JPH3: variants seen among roughly 807,000 people sequenced by gnomAD.
The protein encoded by JPH3 is junctophilin-3.
In JPH3, 11 loss-of-function variants were observed where a neutral mutation model predicts 59.6. The observed-to-expected ratio is 0.18, with a 90% CI of 0.12 to 0.31. The LOEUF (loss-of-function observed/expected upper bound fraction) is 0.31, where lower values mean the gene tolerates loss of function less well. JPH3 is among the 10% of genes least tolerant of loss of function. The probability of loss-of-function intolerance (pLI) is 1.00; values close to 1 mark genes in which losing one functional copy is unlikely to be tolerated. For synonymous variants in JPH3, 673 were observed against 483.6 expected (o/e 1.39, Z -5.14); for missense variants, 1,202 against 1,105.7 (o/e 1.09, Z -1.24).
chr16:87,605,508 A>T (rs951954980), intron 1 of JPH3, among the ~76,000 whole-genome samples: 1 of 152,164 alleles, frequency 6.6e-6, no homozygotes, highest in Non-Finnish European at 1.5e-5. Flanking sequence ...AGGAGCGGCG[A>T]TTATGTTGTG....
intron 2 of JPH3, among the ~76,000 whole-genome samples, chr16:87,660,602 C>A (rs546375542): frequency 6.6e-6 from 1 of 152,190 alleles, no homozygotes; most frequent in African/African-American, 2.4e-5. Context: ...GCAGCCCTCC[C>A]AGTCTCCCCG....
intron 1 of JPH3, among the ~76,000 whole-genome samples, chr16:87,638,434 A>G (rs138838495): frequency 7.5e-4 from 114 of 152,260 alleles, no homozygotes; most frequent in Non-Finnish European, 1.2e-3. Context: ...GCCAGAGGCT[A>G]CTGGGGAGAC....
chr16:87,647,250 A>AGGAGCC (rs2032182989), intron 2 of JPH3, among the ~76,000 whole-genome samples: 1 of 141,960 alleles, frequency 7.0e-6, no homozygotes, highest in African/African-American at 2.5e-5. Context: ...ACCCATGCAA[A>AGGAGCC]GGAGCCGGGG....
chr16:87,665,760 C>G (rs1390458077), intron 2 of JPH3, among the ~76,000 whole-genome samples: 2 of 152,218 alleles, frequency 1.3e-5, no homozygotes, highest in East Asian at 3.9e-4. Flanking sequence ...TCCGTCAGAC[C>G]CAGCCTCCTT....
At chr16:87,693,063 C>T (rs965889771) in intron 4 of JPH3, among the ~76,000 whole-genome samples, 1 of 152,268 alleles carries the variant, frequency 6.6e-6, no homozygotes, top group Non-Finnish European at 1.5e-5. Context: ...ACCAAGTTGT[C>T]ATGGGGCCCA....
intron 4 of JPH3, among the ~76,000 whole-genome samples, chr16:87,692,221 C>A (rs1442518860): frequency 6.8e-6 from 1 of 147,574 alleles, no homozygotes; most frequent in Non-Finnish European, 1.5e-5. Context: ...CCCTCCCCGT[C>A]TCCCTCCCCA....
At chr16:87,655,813 C>T (rs775324083) in intron 2 of JPH3, among the ~76,000 whole-genome samples, 4 of 152,262 alleles carry the variant, frequency 2.6e-5, no homozygotes, top group Non-Finnish European at 2.9e-5. Context: ...TGCGTCTGCT[C>T]TGCCCACCTC....
At chr16:87,658,598 A>G (rs1250853099) in intron 2 of JPH3, among the ~76,000 whole-genome samples, 4 of 151,984 alleles carry the variant, frequency 2.6e-5, no homozygotes, top group African/African-American at 9.7e-5. Flanking sequence ...GAATTCCTGA[A>G]ACAGACCCAG....
In JPH3 at chr16:87,614,268, A is replaced by G. The variant is rs28702757; in HGVS notation, c.382+10740A>G. Among the ~76,000 whole-genome samples the G allele has an allele frequency of 3.5e-3, 464 of 131,052 alleles. 21 individuals carry two copies. Among genetic ancestry groups the G allele is most frequent in the African/African-American group, 0.012 (421 of 35,146 alleles). The allele number at this position is 131,052 out of a possible 152,430, so 86.0% of individuals were successfully genotyped here. A position where few individuals can be genotyped will look rare whatever the true frequency, so the allele number is the denominator to read the frequency against. On this transcript the variant is annotated intron_variant, in intron 1 of 4. Coordinates refer to ENST00000284262, the MANE Select transcript of JPH3 (RefSeq NM_020655.4). ...CTACACGTCCCCTCCCAGGATAAACACAGGTCCCTGTACACAGGAGGAGCT... is the reference window on the plus strand; with the variant it reads ...CTACACGTCCCCTCCCAGGATAAACGCAGGTCCCTGTACACAGGAGGAGCT...
intron 1 of JPH3, among the ~76,000 whole-genome samples, chr16:87,621,765 G>A (rs1482327998): frequency 6.6e-6 from 1 of 152,202 alleles, no homozygotes; most frequent in African/African-American, 2.4e-5. Context: ...TTGGGGTTTG[G>A]GTGGGTGGTG....
chr16:87,657,518 T>G (rs1349055401), intron 2 of JPH3, among the ~76,000 whole-genome samples: 2 of 152,200 alleles, frequency 1.3e-5, no homozygotes, highest in Admixed American at 1.3e-4. Context: ...CACTGAACTG[T>G]GAACTTTAAA....
At chr16:87,621,194 C>T (rs56390357) in intron 1 of JPH3, among the ~76,000 whole-genome samples, 44,767 of 152,122 alleles carry the variant, frequency 0.29, 6,773 homozygotes, top group East Asian at 0.32. Flanking sequence ...TCCCCTGGAG[C>T]GCAGGGGTCA....
intron 2 of JPH3, among the ~76,000 whole-genome samples, chr16:87,673,144 A>AT (rs1380737983): frequency 2.0e-5 from 3 of 151,832 alleles, no homozygotes; most frequent in East Asian, 3.8e-4. Flanking sequence ...CGACTCTGTC[A>AT]TTAAAAAAAA....
chr16:87,629,840 A>G (rs1363032647), intron 1 of JPH3, among the ~76,000 whole-genome samples: 1 of 152,114 alleles, frequency 6.6e-6, no homozygotes, highest in Non-Finnish European at 1.5e-5. Context: ...TTAATAATGT[A>G]TCTGTCTTGG....
intron 1 of JPH3, among the ~76,000 whole-genome samples, chr16:87,618,138 T>C (rs2031041909): frequency 1.3e-5 from 2 of 152,142 alleles, no homozygotes; most frequent in South Asian, 4.1e-4. Flanking sequence ...CACTCTAGCC[T>C]GGGCGACATA....
intron 2 of JPH3, among the ~76,000 whole-genome samples, 172 bp downstream of exon 2, chr16:87,645,207 C>T (rs1321583972): frequency 6.6e-6 from 1 of 152,202 alleles, no homozygotes; most frequent in Non-Finnish European, 1.5e-5. Flanking sequence ...TGGAGGTTCT[C>T]AGAGGTGACT....
chr16:87,674,258 C>T (rs1275295697), intron 2 of JPH3, among the ~76,000 whole-genome samples: 5 of 151,832 alleles, frequency 3.3e-5, no homozygotes, highest in African/African-American at 1.2e-4. Context: ...GGCGTGAACC[C>T]GGGAGGTGGA....
At chr16:87,658,560 C>T (rs1232248864) in intron 2 of JPH3, among the ~76,000 whole-genome samples, 5 of 152,176 alleles carry the variant, frequency 3.3e-5, no homozygotes, top group Non-Finnish European at 5.9e-5. Flanking sequence ...TCTCCCCAAC[C>T]CCCCTGTTTC....
intron 4 of JPH3, among the ~76,000 whole-genome samples, chr16:87,693,263 C>G (rs1047658963): frequency 2.6e-5 from 4 of 152,224 alleles, no homozygotes; most frequent in Non-Finnish European, 5.9e-5. Context: ...TGCAGGTGCC[C>G]CCTAGGCAGC....
Sources: gnomAD v4.1 joint callset for allele counts (sites outside exome capture counted in the v4.1 genomes callset) on GRCh38, gnomAD v4.1.1 for gene constraint, MANE v1.5 for transcripts, NCBI Gene and HGNC (gene_info 2026-07-23, HGNC 2026-07-21) for gene names.